The following TLE2 variants were observed in gnomAD, a reference collection of about 807,000 sequenced individuals.
The protein encoded by TLE2 is TLE family member 2, transcriptional corepressor, also known as transducin-like enhancer protein 2.
TLE2 carries 74 observed loss-of-function variants against 97.2 expected under a neutral mutation model. That is an observed-to-expected ratio of 0.76 (90% CI 0.63 to 0.92). TLE2 has a LOEUF of 0.92. Ranked by LOEUF, TLE2 falls within the 40% of genes least tolerant of loss-of-function variation. The pLI is 0.00. For missense variants in TLE2, 1,038 were observed against 1,008.7 expected (o/e 1.03, Z -0.39); for synonymous variants, 499 against 432.1 (o/e 1.15, Z -1.92).
At chr19:3,000,827 T>A in intron 18 of TLE2, 104 bp from the exon 19 acceptor site, 1 of 626,136 alleles carries the variant, frequency 1.6e-6, no homozygotes, top group Non-Finnish European at 2.6e-6. Context: ...CCTCTCCCTT[T>A]TTTTTTTTTT....
chr19:3,000,558 G>T, intron 19 of TLE2, 89 bp downstream of exon 19: 1 of 1,227,698 alleles, frequency 8.1e-7, no homozygotes, highest in Non-Finnish European at 1.1e-6. Context: ...GGGACCTGGG[G>T]GACAGGGACA....
At chr19:2,999,023 C>T (rs527649063) in intron 19 of TLE2, among the ~76,000 whole-genome samples, 9 of 152,236 alleles carry the variant, frequency 5.9e-5, no homozygotes, top group East Asian at 3.9e-4. Flanking sequence ...AGGGTTGGCA[C>T]GGTGGCTCGG....
rs1173224681 is a variant in TLE2 at position 3,019,021 on chromosome 19, C to G, written c.550+262G>C. Among the ~76,000 whole-genome samples the G allele has an allele frequency of 6.6e-6, 1 of 152,170 alleles. No individual in the cohort carries two copies. Among genetic ancestry groups the G allele is most frequent in the Non-Finnish European group, 1.5e-5 (1 of 68,038 alleles). ...TCAAGTGATCCTCCTGCCTCGGCCT[C>G]CTAAGTACCTGGGAATACAGGTGTG... On this transcript the variant is annotated intron_variant, in intron 7 of 19. Coordinates refer to ENST00000262953, the MANE Select transcript of TLE2 (RefSeq NM_003260.5). This position sits in a 1 kb window ranked among gnomAD's most constrained non-coding sequence, Gnocchi z 5.1.
intron 17 of TLE2, among the ~76,000 whole-genome samples, chr19:3,003,613 G>C (rs560353013): frequency 7.7e-6 from 1 of 129,078 alleles, no homozygotes. Context: ...ACTCCAGCCT[G>C]GGTGACAGAG....
At chr19:3,041,984 G>A (rs1390259801) in intron 1 of TLE2, among the ~76,000 whole-genome samples, 1 of 151,948 alleles carries the variant, frequency 6.6e-6, no homozygotes, top group Admixed American at 6.6e-5. Context: ...CCCTCCTCCC[G>A]CGGTGCTGCG....
At chr19:3,026,339 T>C (rs1454616748) in intron 4 of TLE2, among the ~76,000 whole-genome samples, 3 of 151,238 alleles carry the variant, frequency 2.0e-5, no homozygotes, top group Non-Finnish European at 4.4e-5. Context: ...TCCCAGCTCC[T>C]CGGGAGGCTG....
chr19:3,046,945 C>CCTCCCTTCCCTCCCTCCTT (rs1555696160), upstream of TLE2, among the ~76,000 whole-genome samples: 188 of 119,742 alleles, frequency 1.6e-3, no homozygotes, highest in Middle Eastern at 4.2e-3. Context: ...TCCCCCTCCT[C>CCTCCCTTCCCTCCCTCCTT]CTCCCTTCCC....
intron 4 of TLE2, among the ~76,000 whole-genome samples, chr19:3,026,662 C>CTA (rs2058051635): frequency 6.6e-6 from 1 of 150,548 alleles, no homozygotes; most frequent in South Asian, 2.1e-4. Context: ...ACCCTGAGGT[C>CTA]TATCTCTGAA....
At chr19:3,046,148 T>C (rs981260787), upstream of TLE2, among the ~76,000 whole-genome samples, 2 of 152,198 alleles carry the variant, frequency 1.3e-5, no homozygotes, top group Non-Finnish European at 2.9e-5. Context: ...CCTGACTTAT[T>C]CCTGCCCTTG....
Position 3,019,857 on chromosome 19 carries a change from G to A in TLE2, c.295-84C>T, listed in dbSNP as rs189010204. 3.1e-4 allele frequency: 466 copies of A among 1,492,856 alleles called. 1 individual carries two copies. The Middle Eastern group carries it at 8.9e-3, about 29-fold the overall frequency. 92.5% of individuals were successfully genotyped at this position (1,492,856 alleles called of 1,614,324 possible). On this transcript the variant is annotated intron_variant, in intron 5 of 19. Coordinates refer to ENST00000262953, the MANE Select transcript of TLE2 (RefSeq NM_003260.5). The surrounding 1 kb of genome is among the most constrained non-coding windows in gnomAD (Gnocchi z 5.1). ...GCCCTTGGGGACCTGACCTCTCCCC[G>A]CCACCCTCTCATCTTTGCCCCGGTA...
upstream of TLE2, among the ~76,000 whole-genome samples, chr19:3,046,730 G>A (rs1157606408): frequency 6.6e-6 from 1 of 152,078 alleles, no homozygotes; most frequent in East Asian, 1.9e-4. Context: ...ATGGGGGAGG[G>A]GGGCTGGGAG....
chr19:3,046,747 G>A (rs2145242350), upstream of TLE2, among the ~76,000 whole-genome samples: 1 of 152,144 alleles, frequency 6.6e-6, no homozygotes, highest in East Asian at 1.9e-4. Context: ...GGAGAATGGT[G>A]GGGTCGGAGA....
intron 1 of TLE2, among the ~76,000 whole-genome samples, chr19:3,045,417 C>T (rs2090134461): frequency 6.6e-6 from 1 of 152,174 alleles, no homozygotes; most frequent in Non-Finnish European, 1.5e-5. Flanking sequence ...AGCCCTGCCT[C>T]AGCCAATCCT....
intron 18 of TLE2, among the ~76,000 whole-genome samples, chr19:3,001,617 C>T (rs1339808280): frequency 1.3e-5 from 2 of 151,848 alleles, no homozygotes; most frequent in Non-Finnish European, 2.9e-5. Flanking sequence ...TCCCTCGTAC[C>T]TGGCACTACA....
chr19:3,037,156 G>A lies in TLE2; in HGVS notation c.64-8353C>T, dbSNP rs551953800. On this transcript the variant is annotated intron_variant, in intron 1 of 18. Coordinates refer to the TLE2 transcript ENST00000426948. Reference sequence around the variant, plus strand: ...AAAAATTAGCCGGACATGGTGGCACGCTCCTGTAGTCCCAGCTACTCAGGA... The same window carrying A: ...AAAAATTAGCCGGACATGGTGGCACACTCCTGTAGTCCCAGCTACTCAGGA... Among the ~76,000 whole-genome samples, 168 of 152,234 alleles carry A rather than the reference G, an allele frequency of 1.1e-3. 1 individual carries two copies. The highest frequency in any genetic ancestry group is 0.01 in the Middle Eastern group (3 of 292).
At chr19:3,039,953 T>G (rs989576624) in intron 1 of TLE2, among the ~76,000 whole-genome samples, 3 of 152,186 alleles carry the variant, frequency 2.0e-5, no homozygotes, top group African/African-American at 7.2e-5. Context: ...CATTGAGTCA[T>G]CACACGATCA....
At position 3,014,693 on chromosome 19, in the gene TLE2, A is replaced by G; in HGVS notation, c.679-79T>C. ...CCCCTATCCGCTCCTCAGGAGTTGGAGGCATGAGCCCAGCCAGCCCTGGGG... is the reference window on the plus strand; with the variant it reads ...CCCCTATCCGCTCCTCAGGAGTTGGGGGCATGAGCCCAGCCAGCCCTGGGG... On this transcript the variant is annotated intron_variant, in intron 9 of 19. Transcript: ENST00000262953. 4 of 1,367,844 alleles carry G rather than the reference A, an allele frequency of 2.9e-6. No homozygotes were observed. In the South Asian group the frequency reaches 6.2e-5, roughly 21 times the overall value. The allele number at this position is 1,367,844 out of a possible 1,614,324, so 84.7% of individuals were successfully genotyped here.
chr19:3,038,520 TGTCCTAAAGG>T (rs1212770067), intron 1 of TLE2, among the ~76,000 whole-genome samples: 2 of 152,258 alleles, frequency 1.3e-5, no homozygotes, highest in African/African-American at 4.8e-5. Flanking sequence ...GCCCCCACTA[TGTCCTAAAGG>T]GTCCTTCTCT....
chr19:3,003,248 G>C (rs1275136480), intron 17 of TLE2, among the ~76,000 whole-genome samples: 1 of 152,182 alleles, frequency 6.6e-6, no homozygotes, highest in Non-Finnish European at 1.5e-5. Flanking sequence ...AGGAGGGACA[G>C]AGAAGGGAAC....
Sources: gnomAD v4.1 joint callset for allele counts (sites outside exome capture counted in the v4.1 genomes callset) on GRCh38, gnomAD v4.1.1 for gene constraint, Gnocchi (gnomAD v3.1) non-coding constraint, MANE v1.5 for transcripts, NCBI Gene and HGNC (gene_info 2026-07-23, HGNC 2026-07-21) for gene names.